CHSY3: variants seen among roughly 807,000 people sequenced by gnomAD.
CHSY3 encodes the protein N-acetylgalactosaminyl-proteoglycan 3-beta-glucuronosyltransferase 3.
Under a neutral mutation model 67.2 loss-of-function variants are expected in CHSY3, and 35 were observed. That is an observed-to-expected ratio of 0.52 (90% CI 0.40 to 0.69). CHSY3 has a LOEUF of 0.69. Among genes scored for constraint, CHSY3 ranks in the 30% least tolerant of loss-of-function variants. The pLI, the probability that CHSY3 is intolerant of heterozygous loss-of-function variation, is 0.00. For synonymous variants in CHSY3, 474 were observed against 434.7 expected (o/e 1.09, Z -1.12); for missense variants, 1,069 against 1,138.5 (o/e 0.94, Z 0.88).
chr5:130,108,662 T>C (rs1417548774), intron 2 of CHSY3, among the ~76,000 whole-genome samples: 1 of 151,696 alleles, frequency 6.6e-6, no homozygotes, highest in Non-Finnish European at 1.5e-5. Flanking sequence ...AGGTTGAATT[T>C]ATTGGTTTTG....
intron 2 of CHSY3, among the ~76,000 whole-genome samples, chr5:130,028,752 G>T (rs184526950): frequency 6.6e-6 from 1 of 151,906 alleles, no homozygotes; most frequent in African/African-American, 2.4e-5. Flanking sequence ...ATTACTTTTT[G>T]TATTGTCTAT....
chr5:130,159,870 A>G (rs773907689), intron 2 of CHSY3, among the ~76,000 whole-genome samples: 1 of 152,218 alleles, frequency 6.6e-6, no homozygotes. Context: ...ACCATGGAAC[A>G]GTTTCTTGGT....
At chr5:130,003,776 T>C (rs1763799996) in intron 2 of CHSY3, among the ~76,000 whole-genome samples, 1 of 152,188 alleles carries the variant, frequency 6.6e-6, no homozygotes, top group Non-Finnish European at 1.5e-5. Context: ...ATGAGGGCAT[T>C]GAAGTATATG....
Position 130,183,462 on chromosome 5 carries a change from G to A in CHSY3, c.1087-767G>A, listed in dbSNP as rs181797008. 8.7e-4 allele frequency among the ~76,000 whole-genome samples: 133 copies of A among 152,090 alleles called. 1 individual carries two copies. Among genetic ancestry groups the A allele is most frequent in the African/African-American group, 3.1e-3 (128 of 41,496 alleles). ...CTAAATGAAATTTACGACTCCCCTG[G>A]CAAATAACTTCTTATTGCCATTCCA... On this transcript the variant is annotated intron_variant, in intron 2 of 2. Coordinates refer to ENST00000305031, the MANE Select transcript of CHSY3 (RefSeq NM_175856.5).
At chr5:130,010,615 A>G (rs1179194009) in intron 2 of CHSY3, among the ~76,000 whole-genome samples, 2 of 152,224 alleles carry the variant, frequency 1.3e-5, no homozygotes, top group Admixed American at 6.5e-5. Flanking sequence ...AAGCTGGCAG[A>G]AGAAAATAAA....
intron 2 of CHSY3, among the ~76,000 whole-genome samples, chr5:130,082,166 C>T (rs1457252702): frequency 6.6e-6 from 1 of 151,976 alleles, no homozygotes; most frequent in Non-Finnish European, 1.5e-5. Context: ...CTCCAAACCC[C>T]ATCTCCAGTG....
At chr5:130,153,616 ATGCATCACACTGTGCTT>A (rs998145456) in intron 2 of CHSY3, among the ~76,000 whole-genome samples, 10 of 152,110 alleles carry the variant, frequency 6.6e-5, no homozygotes, top group African/African-American at 2.2e-4. Flanking sequence ...CTACTTCAGC[ATGCATCACACTGTGCTT>A]CCTCCTGATG....
At chr5:130,105,860 A>T (rs1288926342) in intron 2 of CHSY3, among the ~76,000 whole-genome samples, 1 of 151,658 alleles carries the variant, frequency 6.6e-6, no homozygotes, top group Non-Finnish European at 1.5e-5. Context: ...AGCAATTCAG[A>T]TACTCTGTTC....
At chr5:130,064,512 A>G (rs1765819809) in intron 2 of CHSY3, among the ~76,000 whole-genome samples, 1 of 152,202 alleles carries the variant, frequency 6.6e-6, no homozygotes, top group Admixed American at 6.5e-5. Flanking sequence ...AAGTTTCAGA[A>G]ACAAACCTAC....
At chr5:129,943,738 T>C (rs1373695772) in intron 2 of CHSY3, among the ~76,000 whole-genome samples, 1 of 152,244 alleles carries the variant, frequency 6.6e-6, no homozygotes, top group Non-Finnish European at 1.5e-5. Flanking sequence ...TCAATAAATT[T>C]GTGAATAATT....
intron 2 of CHSY3, among the ~76,000 whole-genome samples, chr5:129,994,753 T>G (rs547946176): frequency 6.6e-6 from 1 of 152,224 alleles, no homozygotes; most frequent in East Asian, 1.9e-4. Context: ...TGTAGGGACA[T>G]GGATGAAGCT....
chr5:129,936,752 G>A (rs1394497401), intron 2 of CHSY3, among the ~76,000 whole-genome samples: 1 of 152,156 alleles, frequency 6.6e-6, no homozygotes, highest in Non-Finnish European at 1.5e-5. Flanking sequence ...GACGATGACA[G>A]TACAGAAAAA....
intron 2 of CHSY3, among the ~76,000 whole-genome samples, chr5:129,942,291 C>T (rs1311207969): frequency 6.6e-6 from 1 of 152,136 alleles, no homozygotes; most frequent in Non-Finnish European, 1.5e-5. Context: ...TATAGTACCA[C>T]AGTAACACTT....
intron 2 of CHSY3, among the ~76,000 whole-genome samples, chr5:130,043,762 T>C (rs1182636017): frequency 6.9e-6 from 1 of 144,414 alleles, no homozygotes; most frequent in African/African-American, 2.5e-5. Flanking sequence ...CGTGTGCATA[T>C]GTTTTATAGT....
intron 2 of CHSY3, among the ~76,000 whole-genome samples, chr5:130,036,943 A>T (rs1764878257): frequency 2.0e-5 from 3 of 152,160 alleles, no homozygotes; most frequent in Admixed American, 1.3e-4. Flanking sequence ...TGAAATCTGG[A>T]TCAGCTTGAG....
chr5:130,060,887 A>G (rs1180645302), intron 2 of CHSY3, among the ~76,000 whole-genome samples: 1 of 152,024 alleles, frequency 6.6e-6, no homozygotes, highest in Non-Finnish European at 1.5e-5. Context: ...AAAGGAGAAC[A>G]ACAAACACTG....
chr5:130,144,550 AAAT>A lies in CHSY3; in HGVS notation c.1087-39674_1087-39672del, dbSNP rs1377826176. Reference sequence around the variant, plus strand: ...AAACCCCATGTTCATAGGTTGGAAGAAATAATATTGTTAAAATGTCCATACTAC... The same window carrying A: ...AAACCCCATGTTCATAGGTTGGAAGAAATATTGTTAAAATGTCCATACTAC... On this transcript the variant is annotated intron_variant, in intron 2 of 2. Coordinates refer to ENST00000305031, the MANE Select transcript of CHSY3 (RefSeq NM_175856.5). Among the ~76,000 whole-genome samples the A allele has an allele frequency of 2.6e-5, 4 of 152,196 alleles. No individual in the cohort carries two copies. In the South Asian group the frequency reaches 6.2e-4, roughly 24 times the overall value.
Position 130,178,221 on chromosome 5 carries a change from TTATATTTA to T in CHSY3, c.1087-6002_1087-5995del, listed in dbSNP as rs1401001659. On this transcript the variant is annotated intron_variant, in intron 2 of 2. Transcript: ENST00000305031. ...TATATTTATATATATATGTATATAT[TTATATTTA>T]TATATATATATATATATATATATAT... Among the ~76,000 whole-genome samples the T allele has an allele frequency of 3.0e-4, 27 of 89,628 alleles. 1 individual carries two copies. Among genetic ancestry groups the T allele is most frequent in the African/African-American group, 1.1e-3 (25 of 21,974 alleles). 58.8% of individuals were successfully genotyped at this position (89,628 alleles called of 152,430 possible).
At chr5:129,934,168 G>T (rs1033001173) in intron 2 of CHSY3, among the ~76,000 whole-genome samples, 8 of 151,976 alleles carry the variant, frequency 5.3e-5, no homozygotes, top group Admixed American at 4.6e-4. Flanking sequence ...TATAAAAAAT[G>T]ATCTCAATAT....
Sources: allele counts gnomAD v4.1 joint callset (sites outside exome capture counted in the v4.1 genomes callset), GRCh38; gene constraint gnomAD v4.1.1; transcripts MANE v1.5; gene names NCBI Gene and HGNC (gene_info 2026-07-23, HGNC 2026-07-21).